CSTL1: variants seen among roughly 807,000 people sequenced by gnomAD.
CSTL1 encodes the protein cystatin-like 1.
A neutral mutation model predicts 14.4 loss-of-function variants in CSTL1; 14 were observed. The ratio of observed to expected loss-of-function variants is 0.97; its 90% confidence interval spans 0.64 to 1.52. CSTL1 has a LOEUF of 1.52. Among genes scored for constraint, CSTL1 ranks in the 40% most tolerant of loss-of-function variants. The pLI is 0.00. For missense variants in CSTL1, 170 were observed against 168.7 expected (o/e 1.01, Z -0.04); for synonymous variants, 72 against 67.5 (o/e 1.07, Z -0.33).
the CSTL1 span, among the ~76,000 whole-genome samples, chr20:23,456,759 G>A: frequency 1.3e-5 from 2 of 152,204 alleles, no homozygotes; most frequent in East Asian, 1.9e-4. Flanking sequence ...TGGCCTAAGG[G>A]AGAACCTATT....
chr20:23,460,151 A>G, the CSTL1 span, among the ~76,000 whole-genome samples: 2 of 152,224 alleles, frequency 1.3e-5, no homozygotes, highest in African/African-American at 4.8e-5. Context: ...TCTGGGAACA[A>G]ATATAATGGG....
chr20:23,444,490 C>T (rs1478455942), intron 3 of CSTL1, among the ~76,000 whole-genome samples: 1 of 152,226 alleles, frequency 6.6e-6, no homozygotes, highest in Non-Finnish European at 1.5e-5. Context: ...GATGCTATTG[C>T]TCCTTGCTGG....
the CSTL1 span, among the ~76,000 whole-genome samples, chr20:23,458,285 A>G: frequency 6.6e-5 from 10 of 152,170 alleles, no homozygotes; most frequent in Non-Finnish European, 4.4e-5. Context: ...AGCCACAGGC[A>G]TGGAGTTGCT....
At chr20:23,460,540 G>A in the CSTL1 span, among the ~76,000 whole-genome samples, 1 of 152,116 alleles carries the variant, frequency 6.6e-6, no homozygotes, top group African/African-American at 2.4e-5. Flanking sequence ...GGAAAATGGC[G>A]AGACAAGTCT....
chr20:23,454,844 G>C, the CSTL1 span, among the ~76,000 whole-genome samples: 1 of 152,188 alleles, frequency 6.6e-6, no homozygotes, highest in African/African-American at 2.4e-5. Flanking sequence ...ATTTTCCTCA[G>C]TAACAGAGCT....
At chr20:23,451,926 G>A in the CSTL1 span, 15 of 1,609,684 alleles carry the variant, frequency 9.3e-6, no homozygotes, top group Middle Eastern at 1.6e-4. Flanking sequence ...GTGACCTGTG[G>A]GCGCCAGGCG....
chr20:23,455,471 T>TG, the CSTL1 span, among the ~76,000 whole-genome samples: 1 of 152,238 alleles, frequency 6.6e-6, no homozygotes, highest in Admixed American at 6.5e-5. Context: ...CCGGCAGAAT[T>TG]GCTGTAACAC....
the CSTL1 span, chr20:23,452,849 AC>A: frequency 6.6e-7 from 1 of 1,523,870 alleles, no homozygotes; most frequent in Non-Finnish European, 9.0e-7. Context: ...TGTTCTCTGT[AC>A]TCCTCAGGGA....
intron 2 of CSTL1, 92 bp downstream of exon 2, chr20:23,440,578 GT>G (rs767018700): frequency 1.0e-6 from 1 of 963,154 alleles, no homozygotes; most frequent in Non-Finnish European, 1.7e-6. Flanking sequence ...AGAGAACCAA[GT>G]GGTGGTCCTC....
chr20:23,450,150 C>T, the CSTL1 span, among the ~76,000 whole-genome samples: 1 of 152,168 alleles, frequency 6.6e-6, no homozygotes, highest in Non-Finnish European at 1.5e-5. Flanking sequence ...TTGCTTTGAG[C>T]TTCTTCCCTC....
chr20:23,457,865 T>C, the CSTL1 span, among the ~76,000 whole-genome samples: 1 of 152,194 alleles, frequency 6.6e-6, no homozygotes, highest in Non-Finnish European at 1.5e-5. Flanking sequence ...CACTGTAAAC[T>C]GAATCTCCTC....
downstream of CSTL1, among the ~76,000 whole-genome samples, chr20:23,446,508 C>T (rs911473080): frequency 1.3e-5 from 2 of 152,002 alleles, no homozygotes; most frequent in Non-Finnish European, 2.9e-5. Flanking sequence ...CACCCGCCTC[C>T]GCCTCCCAAA....
the CSTL1 span, among the ~76,000 whole-genome samples, chr20:23,453,779 C>T: frequency 1.3e-5 from 2 of 152,264 alleles, no homozygotes; most frequent in East Asian, 3.9e-4. Flanking sequence ...CATGTGCCTC[C>T]AGGGGATGCC....
chr20:23,447,250 C>A (rs550332682), downstream of CSTL1, among the ~76,000 whole-genome samples: 9 of 152,144 alleles, frequency 5.9e-5, no homozygotes, highest in Non-Finnish European at 1.2e-4. Context: ...TTGTTTCTGG[C>A]TTCTTGAATT....
At position 23,444,916 on chromosome 20, in the gene CSTL1, A is replaced by T. The variant is rs1986934338; in HGVS notation, c.*38A>T. ...TTGAGTTGTGCACTGGCTGTTATTA[A>T]ACTGTAAAGGATCATGTCTCCCTCA... On this transcript the variant is annotated 3_prime_UTR_variant, in exon 4 of 4. Transcript: ENST00000347397. 2 of 1,355,920 alleles carry T rather than the reference A, an allele frequency of 1.5e-6. No homozygotes were observed. The highest frequency in any genetic ancestry group is 2.1e-6 in the Non-Finnish European group (2 of 944,882). 84.0% of individuals were successfully genotyped at this position (1,355,920 alleles called of 1,614,324 possible). A position where few individuals can be genotyped will look rare whatever the true frequency, so the allele number is the denominator to read the frequency against.
At chr20:23,446,946 C>G (rs73901877), downstream of CSTL1, among the ~76,000 whole-genome samples, 23,114 of 151,928 alleles carry the variant, frequency 0.15, 3,758 homozygotes, top group African/African-American at 0.41. Context: ...GGAATTCCTG[C>G]GCAAAAAACC....
At chr20:23,447,835 C>T (rs1986998854), downstream of CSTL1, among the ~76,000 whole-genome samples, 2 of 152,304 alleles carry the variant, frequency 1.3e-5, 1 homozygote, top group South Asian at 4.1e-4. Flanking sequence ...TAGCCTTTAG[C>T]TATTTTTTGC....
the CSTL1 span, among the ~76,000 whole-genome samples, chr20:23,451,572 G>A: frequency 6.6e-5 from 10 of 152,040 alleles, no homozygotes; most frequent in East Asian, 3.9e-4. Flanking sequence ...CCTGCAGCTC[G>A]GCCACCTCAA....
At chr20:23,455,131 C>G in the CSTL1 span, among the ~76,000 whole-genome samples, 1 of 152,172 alleles carries the variant, frequency 6.6e-6, no homozygotes, top group Admixed American at 6.6e-5. Context: ...GAGAAAAAGA[C>G]GAAAGGATTG....
Sources: gnomAD v4.1 joint callset for allele counts (sites outside exome capture counted in the v4.1 genomes callset) on GRCh38, gnomAD v4.1.1 for gene constraint, MANE v1.5 for transcripts, NCBI Gene and HGNC (gene_info 2026-07-23, HGNC 2026-07-21) for gene names.